The following CNTNAP4 variants were observed in gnomAD, a reference collection of about 807,000 sequenced individuals.
The protein encoded by CNTNAP4 is contactin associated protein family member 4, also known as contactin-associated protein-like 4.
A neutral mutation model predicts 148.4 loss-of-function variants in CNTNAP4; 98 were observed. That is an observed-to-expected ratio of 0.66 (90% confidence interval 0.56 to 0.78). The LOEUF (loss-of-function observed/expected upper bound fraction) is 0.78. Among genes scored for constraint, CNTNAP4 ranks in the 30% least tolerant of loss-of-function variants. The pLI, the probability that CNTNAP4 is intolerant of heterozygous loss-of-function variation, is 0.00. For synonymous variants in CNTNAP4, 730 were observed against 565.1 expected (o/e 1.29, Z -4.14); for missense variants, 1,935 against 1,565.6 (o/e 1.24, Z -3.98).
At chr16:76,546,048 A>G (rs1045493388) in intron 21 of CNTNAP4, among the ~76,000 whole-genome samples, 11 of 152,098 alleles carry the variant, frequency 7.2e-5, no homozygotes, top group African/African-American at 2.7e-4. Context: ...AAAAAAAGAA[A>G]AACTAAAAAG....
At chr16:76,502,567 G>C (rs1015937217) in intron 15 of CNTNAP4, among the ~76,000 whole-genome samples, 17 of 152,098 alleles carry the variant, frequency 1.1e-4, no homozygotes, top group Middle Eastern at 3.2e-3. Flanking sequence ...AAAGCCTGAT[G>C]ATCAGTTATA....
chr16:76,541,852 A>G (rs1474519497), intron 21 of CNTNAP4, among the ~76,000 whole-genome samples: 1 of 152,168 alleles, frequency 6.6e-6, no homozygotes, highest in Non-Finnish European at 1.5e-5. Flanking sequence ...CATTATCTAT[A>G]GTGGACAGAA....
At chr16:76,348,689 G>A (rs1022791095) in intron 2 of CNTNAP4, among the ~76,000 whole-genome samples, 20 of 152,054 alleles carry the variant, frequency 1.3e-4, no homozygotes, top group Non-Finnish European at 2.8e-4. Context: ...AAGCCTGAAC[G>A]CTGGATTTAG....
intron 12 of CNTNAP4, among the ~76,000 whole-genome samples, chr16:76,484,226 A>AATTG (rs2081942350): frequency 8.0e-6 from 1 of 124,470 alleles, no homozygotes; most frequent in Admixed American, 1.0e-4. Flanking sequence ...AGGAGCTTAG[A>AATTG]TTTTGAAATG....
At chr16:76,315,860 G>C (rs1221781656) in intron 1 of CNTNAP4, among the ~76,000 whole-genome samples, 1 of 152,146 alleles carries the variant, frequency 6.6e-6, no homozygotes, top group Non-Finnish European at 1.5e-5. Flanking sequence ...CTCCCAAAGT[G>C]CTGGGACCAC....
At chr16:76,513,766 G>A (rs1054495524) in intron 15 of CNTNAP4, among the ~76,000 whole-genome samples, 3 of 152,066 alleles carry the variant, frequency 2.0e-5, no homozygotes, top group South Asian at 2.1e-4. Context: ...GTTAATTGCC[G>A]AGTTAAAATA....
Position 76,447,947 on chromosome 16 carries a change from A to G in CNTNAP4, c.539-65A>G, listed in dbSNP as rs1757836357. ...ACTGCCTTTTCTCAATATATAATGCATTTAAAATGATTTAATGGAAAAGAT... is the reference window on the plus strand; with the variant it reads ...ACTGCCTTTTCTCAATATATAATGCGTTTAAAATGATTTAATGGAAAAGAT... On this transcript the variant is annotated intron_variant, in intron 4 of 23. Transcript: ENST00000611870. The G allele has an allele frequency of 3.3e-6, 4 of 1,208,266 alleles. No homozygotes were observed. In the South Asian group the frequency reaches 3.9e-5, roughly 12 times the overall value. The allele number at this position is 1,208,266 out of a possible 1,614,324, so 74.8% of individuals were successfully genotyped here. A position where few individuals can be genotyped will look rare whatever the true frequency, so the allele number is the denominator to read the frequency against.
intron 1 of CNTNAP4, among the ~76,000 whole-genome samples, chr16:76,280,411 T>C (rs1847560739): frequency 6.6e-6 from 1 of 152,188 alleles, no homozygotes; most frequent in Non-Finnish European, 1.5e-5. Flanking sequence ...TAGGTATATG[T>C]GTATGTAGAT....
At chr16:76,532,335 C>G (rs531852278) in intron 17 of CNTNAP4, among the ~76,000 whole-genome samples, 1 of 152,298 alleles carries the variant, frequency 6.6e-6, no homozygotes, top group African/African-American at 2.4e-5. Context: ...TGTGTTTATT[C>G]TAGTATTTCC....
At chr16:76,287,218 C>T (rs1457660479) in intron 1 of CNTNAP4, among the ~76,000 whole-genome samples, 1 of 152,158 alleles carries the variant, frequency 6.6e-6, no homozygotes, top group African/African-American at 2.4e-5. Flanking sequence ...TCTTAAACTC[C>T]TAGCATCCTT....
At position 76,316,324 on chromosome 16, in the gene CNTNAP4, G is replaced by A. The variant is rs953345053; in HGVS notation, c.86-89G>A. ...ATCTTAGATCCTAGTTTTTGATGTT[G>A]TTGTTTTACTTGTTGGTTGTTTTGT... On this transcript the variant is annotated intron_variant, in intron 1 of 23. Coordinates refer to ENST00000611870, the MANE Select transcript of CNTNAP4 (RefSeq NM_033401.5). 6.2e-6 allele frequency: 5 copies of A among 805,792 alleles called. No individual in the cohort carries two copies. In the East Asian group the frequency reaches 7.8e-5, roughly 13 times the overall value. 49.9% of individuals were successfully genotyped at this position (805,792 alleles called of 1,614,324 possible).
At chr16:76,450,498 G>A (rs746796213) in intron 7 of CNTNAP4, among the ~76,000 whole-genome samples, 3 of 152,134 alleles carry the variant, frequency 2.0e-5, no homozygotes, top group East Asian at 1.9e-4. Flanking sequence ...CTTACCAGAT[G>A]AGCATAAAGA....
chr16:76,489,654 C>G (rs369108305), intron 12 of CNTNAP4, 32 bp from the exon 13 acceptor site: 21 of 1,302,684 alleles, frequency 1.6e-5, no homozygotes, highest in Non-Finnish European at 2.1e-5. Context: ...GTGATGGTCT[C>G]CTCTCTTTCT....
chr16:76,530,642 G>T (rs565694236), intron 17 of CNTNAP4, among the ~76,000 whole-genome samples: 13 of 152,288 alleles, frequency 8.5e-5, no homozygotes, highest in African/African-American at 2.4e-4. Context: ...CCCTGACTTT[G>T]GTTCAGGGAA....
At chr16:76,379,047 C>T (rs2015708606) in intron 3 of CNTNAP4, among the ~76,000 whole-genome samples, 1 of 152,162 alleles carries the variant, frequency 6.6e-6, no homozygotes, top group Admixed American at 6.5e-5. Flanking sequence ...AACTTAGGGC[C>T]TCTGGGTTCA....
At chr16:76,463,327 G>C (rs1424432292) in intron 9 of CNTNAP4, among the ~76,000 whole-genome samples, 5 of 152,080 alleles carry the variant, frequency 3.3e-5, no homozygotes, top group Non-Finnish European at 5.9e-5. Context: ...TAAAAGACTG[G>C]ATAAAATTGT....
intron 2 of CNTNAP4, among the ~76,000 whole-genome samples, chr16:76,347,865 G>A (rs1226125299): frequency 6.6e-6 from 1 of 152,126 alleles, no homozygotes; most frequent in African/African-American, 2.4e-5. Context: ...GCAGATCATT[G>A]AGGACATTGC....
rs1054558941 is a variant in CNTNAP4, at chr16:76,496,788, T to C, written c.2237+1722T>C. 2.6e-5 allele frequency among the ~76,000 whole-genome samples: 4 copies of C among 152,206 alleles called. No homozygotes were observed. In the East Asian group the frequency reaches 7.7e-4, roughly 29 times the overall value. ...GCATGTTATAACATTTACTGAATATTCAAAAAAGAGTACATTTTCATCTAA... is the reference window on the plus strand; with the variant it reads ...GCATGTTATAACATTTACTGAATATCCAAAAAAGAGTACATTTTCATCTAA... On this transcript the variant is annotated intron_variant, in intron 14 of 23. Coordinates refer to ENST00000611870, the MANE Select transcript of CNTNAP4 (RefSeq NM_033401.5).
intron 16 of CNTNAP4, among the ~76,000 whole-genome samples, 186 bp from the exon 17 acceptor site, chr16:76,521,853 T>G (rs776796144): frequency 2.0e-5 from 3 of 152,224 alleles, no homozygotes; most frequent in Non-Finnish European, 2.9e-5. Context: ...AACTGTCTCA[T>G]TTCACATCAG....
Sources: allele counts gnomAD v4.1 joint callset (sites outside exome capture counted in the v4.1 genomes callset), GRCh38; gene constraint gnomAD v4.1.1; transcripts MANE v1.5; gene names NCBI Gene and HGNC (gene_info 2026-07-23, HGNC 2026-07-21).